SDK1: variants seen among roughly 807,000 people sequenced by gnomAD.
The protein encoded by SDK1 is sidekick cell adhesion molecule 1.
In SDK1, 157 loss-of-function variants were observed where a neutral mutation model predicts 245.5. The ratio of observed to expected loss-of-function variants is 0.64; its 90% CI spans 0.56 to 0.73. SDK1 has a LOEUF of 0.73. SDK1 is among the 30% of genes least tolerant of loss of function. The probability of loss-of-function intolerance (pLI) is 0.00; values close to 1 mark genes in which losing one functional copy is unlikely to be tolerated. For synonymous variants in SDK1, 1,647 were observed against 1,278.5 expected (o/e 1.29, Z -6.15); for missense variants, 3,583 against 3,002.3 (o/e 1.19, Z -4.52).
intron 39 of SDK1, 112 bp downstream of exon 39, chr7:4,220,382 A>G: frequency 8.3e-7 from 1 of 1,205,236 alleles, no homozygotes; most frequent in East Asian, 2.5e-5. Flanking sequence ...TTGGCGGCCA[A>G]GAGCTGGCAT....
intron 5 of SDK1, among the ~76,000 whole-genome samples, chr7:3,853,482 T>TTA (rs1419536426): frequency 9.9e-5 from 15 of 152,196 alleles, no homozygotes; most frequent in African/African-American, 3.1e-4. Flanking sequence ...TAATTAAATT[T>TTA]TATATATATG....
chr7:4,265,378 CG>C lies in SDK1; in HGVS notation c.6637del (p.Val2213CysfsTer30). 1 of 1,436,274 alleles carries C rather than the reference CG, an allele frequency of 7.0e-7. No individual in the cohort carries two copies. Among genetic ancestry groups the C allele is most frequent in the South Asian group, 1.5e-5 (1 of 67,136 alleles). The allele number at this position is 1,436,274 out of a possible 1,614,324, so 89.0% of individuals were successfully genotyped here. ...CTCCGCTCACCGGCTTCTCCTCCTT[CG>C]TGTGAGCAAAGCGCCGCGCCTCCCT... ...RTPLTGFSSF[V>X] On this transcript the variant is annotated frameshift_variant, in exon 45 of 45. Transcript: ENST00000404826. LOFTEE classifies it high-confidence loss of function.
chr7:3,972,193 C>G (rs903940318), intron 12 of SDK1, among the ~76,000 whole-genome samples: 2 of 151,718 alleles, frequency 1.3e-5, no homozygotes, highest in Admixed American at 1.3e-4. Context: ...CATTGTCCTG[C>G]CTCAGCCTCC....
At chr7:3,759,358 T>C (rs1207835165) in intron 4 of SDK1, among the ~76,000 whole-genome samples, 1 of 152,128 alleles carries the variant, frequency 6.6e-6, no homozygotes, top group Non-Finnish European at 1.5e-5. Flanking sequence ...CAGTGCTATA[T>C]AGAAAATAAA....
intron 4 of SDK1, among the ~76,000 whole-genome samples, chr7:3,797,235 G>A (rs575732851): frequency 1.1e-4 from 16 of 151,908 alleles, no homozygotes; most frequent in East Asian, 3.9e-4. Context: ...CTCCTGCCTC[G>A]GCCTCCCAAA....
intron 4 of SDK1, among the ~76,000 whole-genome samples, chr7:3,747,997 T>C (rs772800927): frequency 6.6e-6 from 1 of 152,218 alleles, no homozygotes; most frequent in Admixed American, 6.5e-5. Flanking sequence ...AATACAATTA[T>C]AATGATAGAA....
intron 22 of SDK1, among the ~76,000 whole-genome samples, chr7:4,100,200 C>A (rs549496419): frequency 2.6e-5 from 4 of 152,282 alleles, no homozygotes; most frequent in African/African-American, 9.6e-5. Flanking sequence ...TGAGAGGGAT[C>A]AGATCTGATG....
At chr7:3,881,082 C>G (rs1314979141) in intron 5 of SDK1, among the ~76,000 whole-genome samples, 1 of 151,144 alleles carries the variant, frequency 6.6e-6, no homozygotes, top group Non-Finnish European at 1.5e-5. Flanking sequence ...TTTTTTTAAT[C>G]TTTATTTTTC....
intron 1 of SDK1, among the ~76,000 whole-genome samples, chr7:3,325,750 T>A (rs900624888): frequency 1.3e-5 from 2 of 152,156 alleles, no homozygotes; most frequent in Admixed American, 1.3e-4. Flanking sequence ...GTTACAAATT[T>A]TTTACAAATT....
intron 1 of SDK1, among the ~76,000 whole-genome samples, chr7:3,509,884 G>A (rs1047489324): frequency 6.6e-6 from 1 of 152,180 alleles, no homozygotes; most frequent in African/African-American, 2.4e-5. Context: ...CAGACTGCAC[G>A]TTAGAATCAC....
intron 5 of SDK1, among the ~76,000 whole-genome samples, chr7:3,860,573 A>C (rs1780666422): frequency 6.6e-6 from 1 of 152,224 alleles, no homozygotes; most frequent in Non-Finnish European, 1.5e-5. Context: ...AAATTAATAC[A>C]GCCATTTTTG....
Position 3,837,463 on chromosome 7 carries a change from A to G in SDK1, c.847+15880A>G, listed in dbSNP as rs1780053241. Among the ~76,000 whole-genome samples, 6 of 152,230 alleles carry G rather than the reference A, an allele frequency of 3.9e-5. No homozygotes were observed. In the South Asian group the frequency reaches 1.2e-3, roughly 31 times the overall value. ...AGGGCTCTATTCTTTGTTTTGGGAA[A>G]ATACTCACTGTGGAATCTTAAGATA... On this transcript the variant is annotated intron_variant, in intron 5 of 44. Transcript: ENST00000404826.
At chr7:4,198,780 C>G (rs10272648) in intron 35 of SDK1, among the ~76,000 whole-genome samples, 3 of 151,244 alleles carry the variant, frequency 2.0e-5, no homozygotes, top group African/African-American at 4.9e-5. Flanking sequence ...CCCCTCGAAG[C>G]CTCAGCTTTC....
intron 1 of SDK1, among the ~76,000 whole-genome samples, chr7:3,515,576 T>C (rs1782719920): frequency 6.6e-6 from 1 of 152,220 alleles, no homozygotes; most frequent in African/African-American, 2.4e-5. Context: ...TAATCTAGAA[T>C]GTACTCTTAA....
intron 12 of SDK1, among the ~76,000 whole-genome samples, chr7:3,973,211 G>A (rs532134632): frequency 1.3e-5 from 2 of 152,286 alleles, no homozygotes; most frequent in East Asian, 1.9e-4. Context: ...ATGCCCCGGC[G>A]TGAGCAGTCT....
chr7:4,049,498 G>A (rs1789281402), intron 18 of SDK1, 35 bp downstream of exon 18: 2 of 1,515,490 alleles, frequency 1.3e-6, no homozygotes, highest in South Asian at 1.1e-5. Context: ...GTGGGCAGCT[G>A]TCATTGTCTG....
At chr7:3,760,568 A>G (rs1240260683) in intron 4 of SDK1, among the ~76,000 whole-genome samples, 1 of 152,222 alleles carries the variant, frequency 6.6e-6, no homozygotes, top group Non-Finnish European at 1.5e-5. Flanking sequence ...TCTTTTAAGG[A>G]ATTAAAACAT....
At chr7:3,948,600 A>G (rs949503948) in intron 5 of SDK1, among the ~76,000 whole-genome samples, 2 of 152,200 alleles carry the variant, frequency 1.3e-5, no homozygotes, top group Admixed American at 1.3e-4. Flanking sequence ...ATCAACACGA[A>G]GGAGGGCTTC....
At chr7:3,915,464 A>G (rs1329044099) in intron 5 of SDK1, among the ~76,000 whole-genome samples, 10 of 152,284 alleles carry the variant, frequency 6.6e-5, no homozygotes, top group Non-Finnish European at 1.2e-4. Context: ...AACAAGTCTC[A>G]TGAGATCGGA....
Sources: allele counts gnomAD v4.1 joint callset (sites outside exome capture counted in the v4.1 genomes callset), GRCh38; gene constraint gnomAD v4.1.1; transcripts MANE v1.5; gene names NCBI Gene and HGNC (gene_info 2026-07-23, HGNC 2026-07-21).